Variants in SLC38A1 observed in about 807,000 individuals in gnomAD.
SLC38A1 encodes the protein solute carrier family 38 member 1, also known as sodium-coupled neutral amino acid symporter 1.
Under a neutral mutation model 60.3 loss-of-function variants are expected in SLC38A1, and 18 were observed. The observed-to-expected ratio is 0.30, with a 90% CI of 0.21 to 0.44. SLC38A1 has a LOEUF of 0.44. Ranked by LOEUF, SLC38A1 falls within the 20% of genes least tolerant of loss-of-function variation. The pLI is 1.00. For synonymous variants in SLC38A1, 196 were observed against 212.1 expected, an observed-to-expected ratio of 0.92 and a Z score of 0.66; for missense variants, 448 against 587.2, an observed-to-expected ratio of 0.76 and a Z score of 2.45.
At chr12:46,210,285 A>G (rs11183395) in intron 5 of SLC38A1, among the ~76,000 whole-genome samples, 52,492 of 152,044 alleles carry the variant, frequency 0.35, 9,093 homozygotes, top group South Asian at 0.44. Context: ...GGCAACCATG[A>G]GGAGATAAAC....
At chr12:46,227,599 T>G (rs1409871886) in intron 5 of SLC38A1, among the ~76,000 whole-genome samples, 1 of 152,196 alleles carries the variant, frequency 6.6e-6, no homozygotes. Context: ...CATCAAAGAA[T>G]TGACTTTTTA....
chr12:46,195,199 G>A (rs903833227), intron 16 of SLC38A1, among the ~76,000 whole-genome samples: 3 of 152,304 alleles, frequency 2.0e-5, no homozygotes, highest in Non-Finnish European at 1.5e-5. Context: ...AGACCCCTCA[G>A]CTGCAGGTTT....
chr12:46,198,226 C>T (rs11183391), intron 14 of SLC38A1, among the ~76,000 whole-genome samples, 166 bp from the exon 15 acceptor site: 7,013 of 152,132 alleles, frequency 0.046, 241 homozygotes, highest in African/African-American at 0.089. Context: ...GGGGGCTTGA[C>T]TTAAGAGGGA....
chr12:46,207,071 T>C, intron 8 of SLC38A1, 84 bp downstream of exon 8: 2 of 918,226 alleles, frequency 2.2e-6, no homozygotes, highest in Non-Finnish European at 3.3e-6. Context: ...CTTTCTGCAA[T>C]ATTCACAAGC....
At chr12:46,248,662 C>A (rs1941713723) in intron 1 of SLC38A1, among the ~76,000 whole-genome samples, 1 of 152,134 alleles carries the variant, frequency 6.6e-6, no homozygotes, top group African/African-American at 2.4e-5. Flanking sequence ...ATCTTTGCAC[C>A]AAGTGGACCT....
At chr12:46,236,169 T>C (rs1454718515) in intron 3 of SLC38A1, among the ~76,000 whole-genome samples, 1 of 152,224 alleles carries the variant, frequency 6.6e-6, no homozygotes, top group Non-Finnish European at 1.5e-5. Flanking sequence ...TTAGCCCCAG[T>C]TTGGAAAAAT....
intron 16 of SLC38A1, among the ~76,000 whole-genome samples, chr12:46,192,711 T>C (rs981747025): frequency 7.2e-5 from 11 of 152,210 alleles, no homozygotes; most frequent in African/African-American, 2.7e-4. Context: ...TTTTCTAGTT[T>C]ATTTGTGTAG....
rs564372235 is a variant in SLC38A1 at position 46,229,254 on chromosome 12, G to A, written c.213C>T (p.Thr71=). The A allele has an allele frequency of 4.3e-6, 7 of 1,609,668 alleles. No individual in the cohort carries two copies. The African/African-American group carries it at 9.3e-5, about 21-fold the overall frequency. ...KKCDEYIPGT[T]SLGMSVFNLS... ...GGTTAAAAACAGACATGCCTAAGGA[G>A]GTTGTACCTGGAATCTGAACAAAGA... Residue 71 remains threonine (T), a synonymous_variant, in exon 5 of 17, where the codon ACC becomes ACT. Coordinates refer to ENST00000398637, the MANE Select transcript of SLC38A1 (RefSeq NM_030674.4).
chr12:46,234,206 G>C (rs575409807), intron 3 of SLC38A1, among the ~76,000 whole-genome samples: 2 of 152,182 alleles, frequency 1.3e-5, no homozygotes, highest in East Asian at 3.8e-4. Context: ...TGGTTGTCCA[G>C]TGCTGTCTCT....
intron 7 of SLC38A1, 41 bp downstream of exon 7, chr12:46,207,488 A>G (rs1360750924): frequency 6.4e-7 from 1 of 1,550,622 alleles, no homozygotes; most frequent in South Asian, 1.1e-5. Context: ...ATCCACCAGA[A>G]TTAGTTTCAA....
intron 1 of SLC38A1, among the ~76,000 whole-genome samples, chr12:46,254,215 C>T (rs7312682): frequency 0.53 from 79,954 of 151,958 alleles, 21,163 homozygotes; most frequent in Non-Finnish European, 0.55. Flanking sequence ...TTTTACATTA[C>T]TCATCCCTCT....
At chr12:46,241,160 A>T (rs1055741383) in intron 2 of SLC38A1, among the ~76,000 whole-genome samples, 15 of 152,118 alleles carry the variant, frequency 9.9e-5, no homozygotes, top group African/African-American at 2.4e-4. Context: ...GTTTTTTTTA[A>T]AAAAAATGTC....
chr12:46,206,055 T>C (rs200116809), intron 9 of SLC38A1, 25 bp downstream of exon 9: 11 of 1,519,620 alleles, frequency 7.2e-6, no homozygotes, highest in African/African-American at 5.5e-5. Flanking sequence ...CTGCAGAATA[T>C]GATAAAAGCA....
intron 1 of SLC38A1, among the ~76,000 whole-genome samples, chr12:46,247,567 C>T (rs186559492): frequency 2.6e-5 from 4 of 152,122 alleles, no homozygotes; most frequent in Admixed American, 6.6e-5. Context: ...GACTGGTGTA[C>T]GTGAAAGTGA....
At position 46,239,892 on chromosome 12, in the gene SLC38A1, C is replaced by T. The variant is rs1941388987; in HGVS notation, c.-92G>A. 4 of 1,223,190 alleles carry T rather than the reference C, an allele frequency of 3.3e-6. No homozygotes were observed. Among genetic ancestry groups the T allele is most frequent in the Non-Finnish European group, 3.5e-6 (3 of 865,196 alleles). The allele number at this position is 1,223,190 out of a possible 1,614,324, so 75.8% of individuals were successfully genotyped here. A position where few individuals can be genotyped will look rare whatever the true frequency, so the allele number is the denominator to read the frequency against. On this transcript the variant is annotated splice_region_variant and 5_prime_UTR_variant, in exon 3 of 17. Transcript: ENST00000398637. ...AGATACCAAAATGGAAGCTTGACACCCCTAAAATATAGCAAAATAAAAAAA... is the reference window on the plus strand; with the variant it reads ...AGATACCAAAATGGAAGCTTGACACTCCTAAAATATAGCAAAATAAAAAAA...
intron 7 of SLC38A1, 62 bp downstream of exon 7, chr12:46,207,467 T>C (rs778034371): frequency 5.5e-6 from 8 of 1,450,814 alleles, no homozygotes; most frequent in Non-Finnish European, 7.7e-6. Context: ...TTAAAATTCA[T>C]GTGGCCGCTC....
rs111246808 is a variant in SLC38A1 at position 46,241,628 on chromosome 12, G to T, written c.-94+1572C>A. Among the ~76,000 whole-genome samples the T allele has an allele frequency of 1.9e-3, 286 of 152,252 alleles. 1 individual carries two copies. The highest frequency in any genetic ancestry group is 6.3e-3 in the African/African-American group (263 of 41,526). On this transcript the variant is annotated intron_variant, in intron 2 of 16. Transcript: ENST00000398637. ...TAACCACAGTGGTGGTGCTAGAGAC[G>T]GCCCATTTCTGATTGTTTCTGGTAC... is the stretch of plus-strand genomic sequence containing the variant.
chr12:46,239,972 G>C, intron 2 of SLC38A1, 79 bp from the exon 3 acceptor site: 1 of 587,838 alleles, frequency 1.7e-6, no homozygotes. Context: ...AAATAAACAA[G>C]TAGTTAATTT....
rs1194358551 is a variant in SLC38A1 at position 46,187,396 on chromosome 12, T to C, written c.*1574A>G. The C allele has an allele frequency of 6.6e-6, 1 of 152,246 alleles. No individual in the cohort carries two copies. Among genetic ancestry groups the C allele is most frequent in the African/African-American group, 2.4e-5 (1 of 41,462 alleles). The allele number at this position is 152,246 out of a possible 1,614,324, so 9.4% of individuals were successfully genotyped here. ...CAGAATATAGAGGAAGCATAAGTCCTGTTTCAAGAGACCAGCTCACGGAGC... is the reference window on the plus strand; with the variant it reads ...CAGAATATAGAGGAAGCATAAGTCCCGTTTCAAGAGACCAGCTCACGGAGC... On this transcript the variant is annotated 3_prime_UTR_variant, in exon 17 of 17. Transcript: ENST00000398637.
Sources: allele counts gnomAD v4.1 joint callset (sites outside exome capture counted in the v4.1 genomes callset), GRCh38; gene constraint gnomAD v4.1.1; transcripts MANE v1.5; gene names NCBI Gene and HGNC (gene_info 2026-07-23, HGNC 2026-07-21).